BTBD10: variants seen among roughly 807,000 people sequenced by gnomAD.
BTBD10 encodes BTB domain containing 10, also known as BTB/POZ domain-containing protein 10.
A neutral mutation model predicts 53.2 loss-of-function variants in BTBD10; 21 were observed. The ratio of observed to expected loss-of-function variants is 0.39; its 90% CI spans 0.28 to 0.57. The LOEUF is 0.57. Ranked by LOEUF, BTBD10 falls within the 20% of genes least tolerant of loss-of-function variation. The pLI is 0.53. For synonymous variants in BTBD10, 149 were observed against 192.7 expected, an observed-to-expected ratio of 0.77 and a Z score of 1.88; for missense variants, 360 against 594.7, an observed-to-expected ratio of 0.61 and a Z score of 4.10.
chr11:13,397,205 G>A (rs1019985169), intron 8 of BTBD10, among the ~76,000 whole-genome samples: 1 of 152,126 alleles, frequency 6.6e-6, no homozygotes, highest in South Asian at 2.1e-4. Context: ...ATTAATTATT[G>A]CCTCAATTTC....
intron 4 of BTBD10, among the ~76,000 whole-genome samples, chr11:13,419,229 C>T (rs910104764): frequency 5.3e-5 from 8 of 152,206 alleles, no homozygotes; most frequent in African/African-American, 1.9e-4. Flanking sequence ...GCTATTTCTA[C>T]TGGTACTGCA....
intron 1 of BTBD10, among the ~76,000 whole-genome samples, chr11:13,453,984 G>A (rs1288005455): frequency 1.3e-5 from 2 of 152,030 alleles, no homozygotes; most frequent in Non-Finnish European, 2.9e-5. Context: ...CCTGGGAGGT[G>A]GAGGTTGCAG....
chr11:13,415,458 C>G (rs764947409), intron 5 of BTBD10, among the ~76,000 whole-genome samples: 1 of 152,082 alleles, frequency 6.6e-6, no homozygotes, highest in Non-Finnish European at 1.5e-5. Context: ...ATCATGTGAA[C>G]CTGTGACAAA....
At chr11:13,446,989 G>A (rs1238258644) in intron 1 of BTBD10, among the ~76,000 whole-genome samples, 1 of 152,068 alleles carries the variant, frequency 6.6e-6, no homozygotes, top group Non-Finnish European at 1.5e-5. Context: ...TATAAAGATA[G>A]TAGAAAGAAA....
At chr11:13,425,962 G>A (rs1434967921) in intron 2 of BTBD10, among the ~76,000 whole-genome samples, 1 of 152,096 alleles carries the variant, frequency 6.6e-6, no homozygotes, top group Non-Finnish European at 1.5e-5. Context: ...CAAATTTGAA[G>A]ACAACGCAAT....
Position 13,388,801 on chromosome 11 carries a change from A to AGCAT in BTBD10, c.*26_*29dup. 1 of 1,583,042 alleles carries AGCAT rather than the reference A, an allele frequency of 6.3e-7. No individual in the cohort carries two copies. ...AGAGTACAACGTCACTGTGAAGAGT[A>AGCAT]GCATGCTATGGTTTCAAGGAAGATC... On this transcript the variant is annotated 3_prime_UTR_variant, in exon 9 of 9. Coordinates refer to ENST00000278174, the MANE Select transcript of BTBD10 (RefSeq NM_032320.7).
intron 1 of BTBD10, among the ~76,000 whole-genome samples, chr11:13,453,262 C>G (rs1220970032): frequency 6.6e-6 from 1 of 151,466 alleles, no homozygotes; most frequent in African/African-American, 2.4e-5. Flanking sequence ...TATTTACACA[C>G]AAGAAAAACA....
intron 6 of BTBD10, among the ~76,000 whole-genome samples, chr11:13,411,099 G>C: frequency 6.6e-6 from 1 of 152,294 alleles, no homozygotes; most frequent in African/African-American, 2.4e-5. Flanking sequence ...CAGTGGAAGA[G>C]GGTCCTAAAA....
chr11:13,393,399 G>T (rs1272756643), intron 8 of BTBD10, among the ~76,000 whole-genome samples: 1 of 152,080 alleles, frequency 6.6e-6, no homozygotes, highest in Non-Finnish European at 1.5e-5. Flanking sequence ...TCTTTTTAAG[G>T]GACTTGGGAT....
Position 13,388,787 on chromosome 11 carries a change from T to C in BTBD10, c.*44A>G. 6.4e-7 allele frequency: 1 copy of C among 1,563,244 alleles called. No individual in the cohort carries two copies. Among genetic ancestry groups the C allele is most frequent in the Non-Finnish European group, 8.7e-7 (1 of 1,150,004 alleles). ...AGTGCAGAATGAGGAGAGTACAACGTCACTGTGAAGAGTAGCATGCTATGG... is the reference window on the plus strand; with the variant it reads ...AGTGCAGAATGAGGAGAGTACAACGCCACTGTGAAGAGTAGCATGCTATGG... On this transcript the variant is annotated 3_prime_UTR_variant, in exon 9 of 9. Coordinates refer to ENST00000278174, the MANE Select transcript of BTBD10 (RefSeq NM_032320.7).
intron 2 of BTBD10, among the ~76,000 whole-genome samples, chr11:13,426,567 CAA>C (rs918566871): frequency 6.6e-6 from 1 of 151,856 alleles, no homozygotes. Flanking sequence ...TAGAGTAGCA[CAA>C]AGTCTGGGAG....
At chr11:13,401,132 T>C (rs573938259) in intron 8 of BTBD10, among the ~76,000 whole-genome samples, 2 of 150,032 alleles carry the variant, frequency 1.3e-5, no homozygotes, top group Admixed American at 1.3e-4. Flanking sequence ...CAGATATATA[T>C]ATATTACATT....
chr11:13,423,273 C>A (rs549519194), intron 2 of BTBD10, among the ~76,000 whole-genome samples: 9 of 152,246 alleles, frequency 5.9e-5, no homozygotes, highest in Admixed American at 4.6e-4. Flanking sequence ...AAGTTCATGG[C>A]TTTAGAGTAA....
chr11:13,433,293 C>CT (rs1169730845), intron 2 of BTBD10, among the ~76,000 whole-genome samples: 2 of 152,192 alleles, frequency 1.3e-5, no homozygotes, highest in Non-Finnish European at 2.9e-5. Context: ...ACCTACTTTG[C>CT]TTATAGGCCA....
chr11:13,396,074 AG>A (rs1169236459), intron 8 of BTBD10, among the ~76,000 whole-genome samples: 3 of 152,142 alleles, frequency 2.0e-5, no homozygotes, highest in African/African-American at 7.2e-5. Flanking sequence ...AATTCTGTGA[AG>A]AAAGTCATTG....
chr11:13,447,777 T>C (rs1016434576), intron 1 of BTBD10, among the ~76,000 whole-genome samples: 1 of 152,128 alleles, frequency 6.6e-6, no homozygotes, highest in Non-Finnish European at 1.5e-5. Flanking sequence ...TATTACCACA[T>C]GAAAGATTTT....
chr11:13,461,645 G>T (rs1287199718), intron 1 of BTBD10, among the ~76,000 whole-genome samples: 1 of 152,144 alleles, frequency 6.6e-6, no homozygotes, highest in Non-Finnish European at 1.5e-5. Context: ...AGAAAATTCA[G>T]ACTGGTGGAA....
intron 6 of BTBD10, among the ~76,000 whole-genome samples, chr11:13,408,220 A>G (rs532929377): frequency 6.6e-6 from 1 of 152,294 alleles, no homozygotes; most frequent in South Asian, 2.1e-4. Flanking sequence ...TCTTGCCTCC[A>G]TCCTGGTTCT....
chr11:13,421,655 T>C lies in BTBD10; in HGVS notation c.285A>G (p.Arg95=), dbSNP rs200795099. ...PCIRNVTSPT[R]QHHVEREKDH... is the part of the protein sequence containing the mutation. ...GATTTTACATACCAACATGGTGCTG[T>C]CGTGTTGGAGAAGTCACATTTCTAA... The change falls in exon 3 of 9, where the codon CGA becomes CGG. Residue 95 remains arginine, a synonymous_variant. Coordinates refer to ENST00000278174, the MANE Select transcript of BTBD10 (RefSeq NM_032320.7). 54 of 1,612,900 alleles carry C rather than the reference T, an allele frequency of 3.3e-5. No homozygotes were observed. The highest frequency in any genetic ancestry group is 4.3e-5 in the Non-Finnish European group (51 of 1,179,436).
Sources: allele counts gnomAD v4.1 joint callset (sites outside exome capture counted in the v4.1 genomes callset), GRCh38; gene constraint gnomAD v4.1.1; transcripts MANE v1.5; gene names NCBI Gene and HGNC (gene_info 2026-07-23, HGNC 2026-07-21).